The following GPR155 variants were observed in gnomAD, a reference collection of about 807,000 sequenced individuals.
GPR155 encodes the protein lysosomal cholesterol signaling protein.
In GPR155, 65 loss-of-function variants were observed where a neutral mutation model predicts 93.1. That is an observed-to-expected ratio of 0.70 (90% confidence interval 0.57 to 0.86). The LOEUF (loss-of-function observed/expected upper bound fraction) is 0.86. Among genes scored for constraint, GPR155 ranks in the 40% least tolerant of loss-of-function variants. The pLI is 0.00. For synonymous variants in GPR155, 319 were observed against 360.1 expected (o/e 0.89, Z 1.29); for missense variants, 838 against 1,034.8 (o/e 0.81, Z 2.61).
At chr2:174,480,027 G>C (rs1228248528) in intron 2 of GPR155, among the ~76,000 whole-genome samples, 1 of 152,186 alleles carries the variant, frequency 6.6e-6, no homozygotes, top group East Asian at 1.9e-4. Context: ...GAAGTGAAAA[G>C]TATAGTTAAA....
intron 11 of GPR155, among the ~76,000 whole-genome samples, chr2:174,451,904 C>T (rs1037204830): frequency 6.6e-6 from 1 of 152,172 alleles, no homozygotes; most frequent in African/African-American, 2.4e-5. Flanking sequence ...TTGCCTTTGC[C>T]TCCCAAAGTG....
chr2:174,462,988 C>A (rs1283408362), intron 7 of GPR155, among the ~76,000 whole-genome samples: 2 of 152,100 alleles, frequency 1.3e-5, no homozygotes, highest in African/African-American at 2.4e-5. Context: ...AGAAACCTGG[C>A]CTTTTGACAC....
rs1253659263 is a variant in GPR155 at position 174,460,006 on chromosome 2, G to A, written c.1643C>T (p.Ala548Val). 6.2e-7 allele frequency: 1 copy of A among 1,613,802 alleles called. No individual in the cohort carries two copies. The highest frequency in any genetic ancestry group is 8.5e-7 in the Non-Finnish European group (1 of 1,179,968). The change falls in exon 10 of 16, where the codon GCA becomes GTA. Residue 548 changes from alanine (A) to valine (V), a missense_variant. Physicochemically the swap from Ala to Val is moderately conservative, Grantham distance 64. Coordinates refer to ENST00000392552, the MANE Select transcript of GPR155 (RefSeq NM_152529.7). ...SLMCMNQTAQAGSYEGFDQSQ... is the reference protein window; with the variant it reads ...SLMCMNQTAQVGSYEGFDQSQ... ...CTGATCGAAACCTTCATAGCTTCCT[G>A]CTTGGGCAGTCTGGTTCATGCACAT...
rs974332894 is a variant in GPR155, at chr2:174,432,131, G to C, written c.*3985C>G. 6.6e-6 allele frequency: 1 copy of C among 152,484 alleles called. No homozygotes were observed. Among genetic ancestry groups the C allele is most frequent in the Non-Finnish European group, 1.5e-5 (1 of 68,010 alleles). The allele number at this position is 152,484 out of a possible 1,614,324, so 9.4% of individuals were successfully genotyped here. On this transcript the variant is annotated 3_prime_UTR_variant, in exon 16 of 16. Coordinates refer to ENST00000392552, the MANE Select transcript of GPR155 (RefSeq NM_152529.7). ...TGTTTGCAGAGCCCAGAGTCATGAA[G>C]AACAGAACTCAGGAAACCCATTTAA...
intron 10 of GPR155, among the ~76,000 whole-genome samples, chr2:174,457,932 TAG>T (rs1687568634): frequency 6.6e-6 from 1 of 152,158 alleles, no homozygotes. Context: ...TTATTTTTTG[TAG>T]AGTCAGGGTC....
chr2:174,458,600 A>C (rs2105703570), intron 10 of GPR155, among the ~76,000 whole-genome samples: 1 of 152,270 alleles, frequency 6.6e-6, no homozygotes, highest in African/African-American at 2.4e-5. Context: ...TCCAATACCT[A>C]CTGCCTTAGT....
intron 10 of GPR155, among the ~76,000 whole-genome samples, chr2:174,458,290 G>A (rs746754730): frequency 6.6e-5 from 10 of 152,082 alleles, no homozygotes; most frequent in Non-Finnish European, 1.3e-4. Flanking sequence ...TAGGACCATG[G>A]TAACTGGAAT....
At position 174,436,340 on chromosome 2, in the gene GPR155, A is replaced by C; in HGVS notation, c.2389T>G (p.Ser797Ala). Reference sequence around the variant, plus strand: ...TATATCACAGCTTCACCACGGTCGGAGGCAAGGCCGACTTCAATTAGCCAG... The same window carrying C: ...TATATCACAGCTTCACCACGGTCGGCGGCAAGGCCGACTTCAATTAGCCAG... ...VSWLIEVGLA[S>A]DRGEAVIYGD... The change falls in exon 16 of 16, where the codon TCC becomes GCC. Residue 797 changes from serine (S) to alanine (A), a missense_variant. By Grantham distance (99) the Ser-to-Ala change is moderately conservative. Around this residue, in one of 3 missense-constraint regions of GPR155, gnomAD observed 146 missense variants for 177.5 expected, o/e 0.82. Transcript: ENST00000392552. The C allele has an allele frequency of 6.2e-7, 1 of 1,614,156 alleles. No homozygotes were observed. Among genetic ancestry groups the C allele is most frequent in the Non-Finnish European group, 8.5e-7 (1 of 1,180,008 alleles).
At chr2:174,459,510 A>T (rs1012719309) in intron 10 of GPR155, among the ~76,000 whole-genome samples, 1 of 152,222 alleles carries the variant, frequency 6.6e-6, no homozygotes, top group African/African-American at 2.4e-5. Flanking sequence ...GTTTCCCATA[A>T]ACAAAACATT....
At chr2:174,486,653 C>G (rs1398582899) in intron 1 of GPR155, among the ~76,000 whole-genome samples, 1 of 152,178 alleles carries the variant, frequency 6.6e-6, no homozygotes, top group Admixed American at 6.5e-5. Flanking sequence ...GGACGAGACA[C>G]CCCCTCCCCC....
intron 7 of GPR155, among the ~76,000 whole-genome samples, chr2:174,462,588 C>A (rs566870743): frequency 6.6e-6 from 1 of 152,340 alleles, no homozygotes; most frequent in Non-Finnish European, 1.5e-5. Flanking sequence ...GAATTATAGG[C>A]ATAAGCCATT....
At chr2:174,451,094 G>C (rs1169254706) in intron 11 of GPR155, among the ~76,000 whole-genome samples, 4 of 152,106 alleles carry the variant, frequency 2.6e-5, no homozygotes, top group African/African-American at 9.7e-5. Flanking sequence ...AGGATCACTT[G>C]AGATCAGGAG....
chr2:174,473,298 G>C lies in GPR155; in HGVS notation c.527C>G (p.Ser176Cys). The stretch of plus-strand genomic sequence containing the variant: ...CCCTATAGGGTTTAACATCATAAGA[G>C]ATATTGGTGCCACCAAATAAATGTA... The part of the protein sequence containing the change: ...LQYIYLVAPI[S>C]LMMLNPIGFI... Residue 176 changes from serine (S) to cysteine (C), a missense_variant, in exon 3 of 16, where the codon TCT becomes TGT. Around this residue, in one of 3 missense-constraint regions of GPR155, gnomAD observed 663 missense variants for 790.1 expected, o/e 0.84. Coordinates refer to ENST00000392552, the MANE Select transcript of GPR155 (RefSeq NM_152529.7). 4 of 1,603,734 alleles carry C rather than the reference G, an allele frequency of 2.5e-6. No individual in the cohort carries two copies. The highest frequency in any genetic ancestry group is 3.4e-6 in the Non-Finnish European group (4 of 1,172,990).
chr2:174,450,888 G>A (rs1687298200), intron 11 of GPR155, among the ~76,000 whole-genome samples: 1 of 152,112 alleles, frequency 6.6e-6, no homozygotes, highest in African/African-American at 2.4e-5. Flanking sequence ...TCATAATGTT[G>A]CTAAGTATAA....
intron 1 of GPR155, among the ~76,000 whole-genome samples, chr2:174,484,466 G>A (rs1346096987): frequency 6.6e-6 from 1 of 152,200 alleles, no homozygotes; most frequent in Non-Finnish European, 1.5e-5. Context: ...GCCCTTACTT[G>A]TACAACACGA....
intron 15 of GPR155, among the ~76,000 whole-genome samples, chr2:174,436,679 T>G (rs569854854): frequency 6.6e-6 from 1 of 152,212 alleles, no homozygotes; most frequent in Non-Finnish European, 1.5e-5. Context: ...TCATAGATAA[T>G]GTAAATGCAC....
rs1025063641 is a variant in GPR155 at position 174,445,362 on chromosome 2, A to T, written c.2014-186T>A. On this transcript the variant is annotated intron_variant, in intron 12 of 15. Coordinates refer to ENST00000392552, the MANE Select transcript of GPR155 (RefSeq NM_152529.7). ...AAGTTTCAACCTCTCCTCCTGACAG[A>T]TGTCATTCAAACAGTTATCTATTCT... The T allele has an allele frequency of 7.5e-6, 4 of 532,100 alleles. No homozygotes were observed. In the Admixed American group the frequency reaches 1.4e-4, roughly 18 times the overall value. 33.0% of individuals were successfully genotyped at this position (532,100 alleles called of 1,614,324 possible). A position where few individuals can be genotyped will look rare whatever the true frequency, so the allele number is the denominator to read the frequency against.
chr2:174,466,120 C>T (rs138102953), intron 6 of GPR155, among the ~76,000 whole-genome samples: 1 of 152,080 alleles, frequency 6.6e-6, no homozygotes. Flanking sequence ...TATAACAGAG[C>T]CTTTGACAAT....
At chr2:174,467,615 T>C (rs1158793387) in intron 5 of GPR155, among the ~76,000 whole-genome samples, 1 of 152,252 alleles carries the variant, frequency 6.6e-6, no homozygotes, top group Non-Finnish European at 1.5e-5. Context: ...GTTATAATAA[T>C]GCACTATTCT....
Sources: gnomAD v4.1 joint callset for allele counts (sites outside exome capture counted in the v4.1 genomes callset) on GRCh38, gnomAD v4.1.1 for gene constraint, gnomAD v4.1.1 regional missense constraint, MANE v1.5 for transcripts, NCBI Gene and HGNC (gene_info 2026-07-23, HGNC 2026-07-21) for gene names.